The following LSAMP variants were observed in gnomAD, a reference collection of about 807,000 sequenced individuals.
LSAMP encodes the protein limbic system associated membrane protein, also known as limbic system-associated membrane protein.
Under a neutral mutation model 38.6 loss-of-function variants are expected in LSAMP, and 7 were observed. The observed-to-expected ratio is 0.18, with a 90% CI of 0.10 to 0.34. LSAMP has a LOEUF of 0.34. Among genes scored for constraint, LSAMP ranks in the 10% least tolerant of loss-of-function variants. LSAMP has a pLI of 1.00. For synonymous variants in LSAMP, 154 were observed against 166.8 expected, an observed-to-expected ratio of 0.92 and a Z score of 0.59; for missense variants, 313 against 420.0, an observed-to-expected ratio of 0.75 and a Z score of 2.23.
intron 3 of LSAMP, among the ~76,000 whole-genome samples, chr3:115,920,207 G>A (rs1183155773): frequency 6.6e-6 from 1 of 152,150 alleles, no homozygotes; most frequent in African/African-American, 2.4e-5. Flanking sequence ...ACTCAGAAGT[G>A]AGATCACTGG....
chr3:116,075,399 G>T (rs1280939455), intron 2 of LSAMP, among the ~76,000 whole-genome samples: 1 of 151,966 alleles, frequency 6.6e-6, no homozygotes. Flanking sequence ...GCCTCCCAAA[G>T]TGCTGGGATT....
At chr3:115,836,364 T>C (rs1292971363) in intron 6 of LSAMP, among the ~76,000 whole-genome samples, 1 of 152,250 alleles carries the variant, frequency 6.6e-6, no homozygotes, top group African/African-American at 2.4e-5. Context: ...TTACACTTCA[T>C]GCTAGGGTTT....
chr3:115,882,618 G>C, intron 3 of LSAMP, among the ~76,000 whole-genome samples: 1 of 152,002 alleles, frequency 6.6e-6, no homozygotes, highest in East Asian at 1.9e-4. Context: ...AAGTACTCTT[G>C]TTAATTTTTC....
At chr3:116,413,095 C>T (rs1278035898) in intron 1 of LSAMP, among the ~76,000 whole-genome samples, 1 of 151,932 alleles carries the variant, frequency 6.6e-6, no homozygotes, top group African/African-American at 2.4e-5. Context: ...ACACATCTTC[C>T]AGGTGATTCT....
intron 2 of LSAMP, among the ~76,000 whole-genome samples, chr3:116,026,366 C>T (rs950777851): frequency 6.6e-6 from 1 of 152,172 alleles, no homozygotes; most frequent in Non-Finnish European, 1.5e-5. Flanking sequence ...TCTAGGTTCA[C>T]AAATCATCCC....
At chr3:116,138,477 GA>G (rs1244861554) in intron 1 of LSAMP, among the ~76,000 whole-genome samples, 1 of 151,932 alleles carries the variant, frequency 6.6e-6, no homozygotes, top group Non-Finnish European at 1.5e-5. Flanking sequence ...TCTAAAGATT[GA>G]CGCAATTGAT....
intron 1 of LSAMP, among the ~76,000 whole-genome samples, chr3:116,301,924 CGT>C (rs1559820042): frequency 2.0e-5 from 3 of 152,268 alleles, no homozygotes; most frequent in Admixed American, 1.3e-4. Flanking sequence ...GCTGTGTGGA[CGT>C]GGTAAAAATT....
intron 1 of LSAMP, among the ~76,000 whole-genome samples, chr3:116,111,598 C>CT (rs572124359): frequency 1.9e-4 from 28 of 150,582 alleles, no homozygotes; most frequent in Admixed American, 1.0e-3. Flanking sequence ...CCTTAGTAGT[C>CT]TTTTTTTCCT....
At chr3:116,378,902 G>A (rs1031949339) in intron 1 of LSAMP, among the ~76,000 whole-genome samples, 2 of 151,366 alleles carry the variant, frequency 1.3e-5, no homozygotes, top group African/African-American at 4.8e-5. Flanking sequence ...CCTTGGTCAA[G>A]GTCACACAGT....
chr3:116,099,349 G>A (rs1051393850), intron 1 of LSAMP, among the ~76,000 whole-genome samples: 47 of 152,284 alleles, frequency 3.1e-4, no homozygotes, highest in African/African-American at 1.1e-3. Context: ...TGACTATTAA[G>A]TGAAAGAACA....
At chr3:115,951,111 A>G (rs1938274849) in intron 3 of LSAMP, among the ~76,000 whole-genome samples, 1 of 152,236 alleles carries the variant, frequency 6.6e-6, no homozygotes, top group Admixed American at 6.5e-5. Context: ...CTTACCTTAT[A>G]CAAAAATCAA....
chr3:116,268,486 T>C (rs1056742954), intron 1 of LSAMP, among the ~76,000 whole-genome samples: 3 of 152,114 alleles, frequency 2.0e-5, no homozygotes, highest in African/African-American at 7.2e-5. Context: ...CAGCTCTTTA[T>C]ATGCTGCTGT....
chr3:115,933,095 C>T (rs16824289), intron 3 of LSAMP, among the ~76,000 whole-genome samples: 4,954 of 152,256 alleles, frequency 0.033, 273 homozygotes, highest in African/African-American at 0.11. Flanking sequence ...GGAGCATAGA[C>T]CTCGCGAAAG....
In LSAMP at chr3:115,936,430, CTATT is replaced by C. The variant is rs537707649; in HGVS notation, c.514+83081_514+83084del. Among the ~76,000 whole-genome samples, 316 of 152,234 alleles carry C rather than the reference CTATT, an allele frequency of 2.1e-3. 1 individual carries two copies. Among genetic ancestry groups the C allele is most frequent in the Non-Finnish European group, 3.8e-3 (256 of 68,006 alleles). ...TTAATTTGGTGTGCTTTTTCTTTAA[CTATT>C]TATTAATCCATTCTGAAAATGCAGA... On this transcript the variant is annotated intron_variant, in intron 3 of 6. Transcript: ENST00000490035.
At chr3:116,104,280 C>T (rs543695137) in intron 1 of LSAMP, among the ~76,000 whole-genome samples, 68 of 152,118 alleles carry the variant, frequency 4.5e-4, no homozygotes, top group African/African-American at 1.5e-3. Flanking sequence ...ATATTCAATG[C>T]GAAACAGTGT....
intron 1 of LSAMP, among the ~76,000 whole-genome samples, chr3:116,171,513 C>G (rs187502764): frequency 1.3e-5 from 2 of 152,262 alleles, no homozygotes; most frequent in African/African-American, 4.8e-5. Context: ...GACAGAACAA[C>G]TGTAGGTGGC....
chr3:116,031,276 C>T (rs977396877), intron 2 of LSAMP, among the ~76,000 whole-genome samples: 2 of 151,964 alleles, frequency 1.3e-5, no homozygotes, highest in Middle Eastern at 3.2e-3. Context: ...GACATTGTGC[C>T]AGGCATGAGA....
intron 3 of LSAMP, among the ~76,000 whole-genome samples, chr3:115,887,195 A>G (rs959707353): frequency 2.6e-5 from 4 of 152,036 alleles, no homozygotes; most frequent in Non-Finnish European, 4.4e-5. Flanking sequence ...GACTCTTAAT[A>G]CTTTCTGATA....
chr3:116,330,174 G>C (rs575297810), intron 1 of LSAMP, among the ~76,000 whole-genome samples: 23 of 152,282 alleles, frequency 1.5e-4, no homozygotes, highest in Non-Finnish European at 2.9e-4. Context: ...GAATTTGTCT[G>C]ATGTAATATT....
Sources: allele counts gnomAD v4.1 joint callset (sites outside exome capture counted in the v4.1 genomes callset), GRCh38; gene constraint gnomAD v4.1.1; transcripts MANE v1.5; gene names NCBI Gene and HGNC (gene_info 2026-07-23, HGNC 2026-07-21).